KIR3DL2: variants seen among roughly 807,000 people sequenced by gnomAD.
The protein encoded by KIR3DL2 is killer cell immunoglobulin like receptor, three Ig domains and long cytoplasmic tail 2, also known as killer cell immunoglobulin-like receptor 3DL2.
KIR3DL2 carries 42 observed loss-of-function variants against 41.6 expected under a neutral mutation model. That is an observed-to-expected ratio of 1.01 (90% CI 0.79 to 1.31). KIR3DL2 has a LOEUF of 1.31. KIR3DL2 is among the 50% of genes most tolerant of loss of function. The pLI, the probability that KIR3DL2 is intolerant of heterozygous loss-of-function variation, is 0.00. For synonymous variants in KIR3DL2, 230 were observed against 221.3 expected, an observed-to-expected ratio of 1.04 and a Z score of -0.35; for missense variants, 728 against 576.8, an observed-to-expected ratio of 1.26 and a Z score of -2.68.
rs1325613916 is a variant in KIR3DL2 at position 54,858,807 on chromosome 19, C to T, written c.950-272C>T. Among the ~76,000 whole-genome samples the T allele has an allele frequency of 3.6e-4, 55 of 152,098 alleles. No individual in the cohort carries two copies. The East Asian group carries it at 9.5e-3, about 26-fold the overall frequency. ...CCATTCTGTTCCATTTTTTATGTGC[C>T]TTTCTTTATGCCAATGTCATGCTGT... On this transcript the variant is annotated intron_variant, in intron 5 of 8. Coordinates refer to ENST00000326321, the MANE Select transcript of KIR3DL2 (RefSeq NM_006737.4).
At chr19:54,863,878 A>C (rs1397264798) in intron 6 of KIR3DL2, among the ~76,000 whole-genome samples, 5 of 151,974 alleles carry the variant, frequency 3.3e-5, no homozygotes, top group African/African-American at 1.2e-4. Flanking sequence ...CCGTTTGTCA[A>C]TTTTGGCTTT....
At position 54,851,212 on chromosome 19, in the gene KIR3DL2, CT is replaced by C; in HGVS notation, c.35-5del. The C allele has an allele frequency of 1.2e-6, 2 of 1,610,802 alleles. No individual in the cohort carries two copies. The highest frequency in any genetic ancestry group is 1.7e-6 in the Non-Finnish European group (2 of 1,178,686). ...AGTTGGATCGTCTATCATGATCTTT[CT>C]TTCCAGGGTTCTTCTTGCTGCAGGG... On this transcript the variant is annotated splice_region_variant and splice_polypyrimidine_tract_variant and intron_variant, in intron 1 of 8. Coordinates refer to ENST00000326321, the MANE Select transcript of KIR3DL2 (RefSeq NM_006737.4).
chr19:54,865,989 C>T (rs796530954), intron 7 of KIR3DL2, 80 bp downstream of exon 7: 5 of 1,325,226 alleles, frequency 3.8e-6, no homozygotes, highest in Non-Finnish European at 3.2e-6. Flanking sequence ...GTGTGTTCCT[C>T]ACTGGCAGGA....
chr19:54,857,197 CT>C (rs2064852309), intron 5 of KIR3DL2, among the ~76,000 whole-genome samples: 1 of 146,944 alleles, frequency 6.8e-6, no homozygotes, highest in Non-Finnish European at 1.5e-5. Context: ...TCAAACGATT[CT>C]CCTGACTCAG....
chr19:54,852,342 G>A, intron 3 of KIR3DL2, 60 bp downstream of exon 3: 1 of 1,581,410 alleles, frequency 6.3e-7, no homozygotes, highest in Non-Finnish European at 8.6e-7. Flanking sequence ...AGAGCTTCTG[G>A]TGGGGGTGTC....
chr19:54,854,780 G>T (rs1390320265), intron 4 of KIR3DL2, among the ~76,000 whole-genome samples: 1 of 151,820 alleles, frequency 6.6e-6, no homozygotes, highest in Non-Finnish European at 1.5e-5. Context: ...GGAGTGGAGA[G>T]AATGCTGGAA....
chr19:54,853,722 C>G, intron 3 of KIR3DL2, 25 bp from the exon 4 acceptor site: 1 of 1,605,160 alleles, frequency 6.2e-7, no homozygotes, highest in Non-Finnish European at 8.5e-7. Context: ...GAGATGCCTT[C>G]TAAACTCACA....
chr19:54,850,495 G>A lies in KIR3DL2; in HGVS notation c.20G>A (p.Ser7Asn). The change falls in exon 1 of 9, where the codon AGC becomes AAC. Residue 7 changes from serine to asparagine, a missense_variant. Physicochemically the swap from Ser to Asn is conservative, Grantham distance 46. Coordinates refer to ENST00000326321, the MANE Select transcript of KIR3DL2 (RefSeq NM_006737.4). MSLTVV[S>N]MACVGFFLLQ... ...AGCACCATGTCGCTCACGGTCGTCA[G>A]CATGGCGTGCGTTGGTGAGTCCTGG... 1 of 1,608,984 alleles carries A rather than the reference G, an allele frequency of 6.2e-7. No homozygotes were observed.
intron 3 of KIR3DL2, 43 bp from the exon 4 acceptor site, chr19:54,853,704 G>T: frequency 6.3e-7 from 1 of 1,593,006 alleles, no homozygotes; most frequent in Admixed American, 1.7e-5. Context: ...TGGATGGGAT[G>T]ATAAAGAGAG....
At chr19:54,853,383 C>A (rs1364931825) in intron 3 of KIR3DL2, among the ~76,000 whole-genome samples, 2 of 151,762 alleles carry the variant, frequency 1.3e-5, no homozygotes, top group African/African-American at 4.9e-5. Context: ...CTGCCAGAGA[C>A]TCCAATTTGT....
At chr19:54,850,551 G>T in intron 1 of KIR3DL2, 42 bp downstream of exon 1, 1 of 1,605,772 alleles carries the variant, frequency 6.2e-7, no homozygotes, top group Admixed American at 1.7e-5. Flanking sequence ...AGTGGGGATG[G>T]AGATCTCGGC....
Position 54,851,264 on chromosome 19 carries a change from G to T in KIR3DL2, c.70+9G>T, listed in dbSNP as rs639850. ...GGCCTGGCCACTCATGGGTGAGTCC[G>T]TCCCCAAACCTTAGGGTGTCATCTC... On this transcript the variant is annotated intron_variant, in intron 2 of 8. Coordinates refer to ENST00000326321, the MANE Select transcript of KIR3DL2 (RefSeq NM_006737.4). 1,020,183 of 1,596,526 alleles carry T rather than the reference G, an allele frequency of 0.64. 332,372 individuals are homozygous for T. The highest frequency in any genetic ancestry group is 0.94 in the East Asian group (41,610 of 44,286).
At chr19:54,851,340 C>A in intron 2 of KIR3DL2, 85 bp downstream of exon 2, 1 of 1,439,354 alleles carries the variant, frequency 6.9e-7, no homozygotes, top group Non-Finnish European at 9.6e-7. Context: ...GTCGGGGAGT[C>A]TCTCATAAAC....
intron 2 of KIR3DL2, 57 bp from the exon 3 acceptor site, chr19:54,851,941 G>C: frequency 3.8e-6 from 6 of 1,584,072 alleles, no homozygotes; most frequent in Non-Finnish European, 5.2e-6. Flanking sequence ...CTGAGCACAG[G>C]GAGGGAGGGG....
At position 54,855,793 on chromosome 19, in the gene KIR3DL2, A is replaced by G; in HGVS notation, c.830A>G (p.Gln277Arg). 1 of 1,613,488 alleles carries G rather than the reference A, an allele frequency of 6.2e-7. No homozygotes were observed. Among genetic ancestry groups the G allele is most frequent in the Non-Finnish European group, 8.5e-7 (1 of 1,179,958 alleles). Reference sequence around the variant, plus strand: ...GTGCCCAAGGTCAACAGAACATTCCAGGCAGACTTTCCTCTGGGCCCTGCC... The same window carrying G: ...GTGCCCAAGGTCAACAGAACATTCCGGGCAGACTTTCCTCTGGGCCCTGCC... ...RAVPKVNRTFQADFPLGPATH... is the reference protein window; with the variant it reads ...RAVPKVNRTFRADFPLGPATH... The change falls in exon 5 of 9, where the codon CAG (glutamine) becomes CGG (arginine). Residue 277 changes from glutamine (Q) to arginine (R), a missense_variant. Gln to Arg is a conservative substitution (Grantham distance 43). Coordinates refer to ENST00000326321, the MANE Select transcript of KIR3DL2 (RefSeq NM_006737.4).
chr19:54,852,027 C>T lies in KIR3DL2; in HGVS notation c.100C>T (p.Arg34Trp), dbSNP rs200521542. 14,180 of 1,608,944 alleles carry T rather than the reference C, an allele frequency of 8.8e-3. 1,368 individuals are homozygous for T. In the African/African-American group the frequency reaches 0.16, roughly 18 times the overall value. ...GGQDKPFLSARPSTVVPRGGH... is the reference protein window; with the variant it reads ...GGQDKPFLSAWPSTVVPRGGH... ...TCAGGACAAACCCTTCCTGTCTGCC[C>T]GGCCCAGCACTGTGGTGCCTCGAGG... Residue 34 changes from arginine to tryptophan, a missense_variant, in exon 3 of 9, where the codon CGG becomes TGG. Arg to Trp is a moderately radical substitution (Grantham distance 101). Transcript: ENST00000326321.
At chr19:54,865,759 G>C (rs748825928) in intron 6 of KIR3DL2, 46 bp from the exon 7 acceptor site, 1 of 1,479,222 alleles carries the variant, frequency 6.8e-7, no homozygotes, top group Non-Finnish European at 9.4e-7. Context: ...TCCATAAAGA[G>C]GAACTGCTAT....
intron 6 of KIR3DL2, among the ~76,000 whole-genome samples, chr19:54,862,967 T>C (rs1455429580): frequency 1.4e-5 from 2 of 147,944 alleles, no homozygotes; most frequent in African/African-American, 5.0e-5. Flanking sequence ...AACTCGTCAT[T>C]TAGCATTAGG....
In KIR3DL2 at chr19:54,852,173, G is replaced by A. The variant is rs2064318684; in HGVS notation, c.246G>A (p.Met82Ile). ...HGRIFQESFI[M>I]GPVTPAHAGT... ...GAATATTCCAGGAGAGCTTCATCAT[G>A]GGCCCTGTGACCCCAGCACATGCAG... The change falls in exon 3 of 9, where the codon ATG (methionine) becomes ATA (isoleucine). Residue 82 changes from methionine to isoleucine, a missense_variant. Physicochemically the swap from Met to Ile is conservative, Grantham distance 10 (BLOSUM62 1). Transcript: ENST00000326321. 1.2e-6 allele frequency: 2 copies of A among 1,612,852 alleles called. No homozygotes were observed. The highest frequency in any genetic ancestry group is 1.7e-6 in the Non-Finnish European group (2 of 1,179,570).
Sources: allele counts gnomAD v4.1 joint callset (sites outside exome capture counted in the v4.1 genomes callset), GRCh38; gene constraint gnomAD v4.1.1; transcripts MANE v1.5; gene names NCBI Gene and HGNC (gene_info 2026-07-23, HGNC 2026-07-21).